RORA: variants seen among roughly 807,000 people sequenced by gnomAD.
RORA encodes nuclear receptor ROR-alpha.
Under a neutral mutation model 69.5 loss-of-function variants are expected in RORA, and 7 were observed. The ratio of observed to expected loss-of-function variants is 0.10; its 90% CI spans 0.06 to 0.19. RORA has a LOEUF of 0.19. Among genes scored for constraint, RORA ranks in the 10% least tolerant of loss-of-function variants. RORA has a pLI of 1.00. For synonymous variants in RORA, 261 were observed against 240.8 expected (o/e 1.08, Z -0.78); for missense variants, 457 against 663.0 (o/e 0.69, Z 3.41).
intron 1 of RORA, among the ~76,000 whole-genome samples, chr15:60,732,639 TTC>T (rs111468392): frequency 0.021 from 3,148 of 151,010 alleles, 120 homozygotes; most frequent in African/African-American, 0.073. Context: ...ATCATTCTCA[TTC>T]TCTCTCTCTC....
At position 60,493,761 on chromosome 15, in the gene RORA, C is replaced by T. The variant is rs1242254122; in HGVS notation, c.*3694G>A. On this transcript the variant is annotated 3_prime_UTR_variant, in exon 11 of 11. Coordinates refer to ENST00000335670, the MANE Select transcript of RORA (RefSeq NM_134261.3). ...ATTGCAGGAATATTTCAAGTGCCAT[C>T]AAATATTTATAGAAGGGTTAAAAAA... 6.6e-6 allele frequency: 1 copy of T among 151,702 alleles called. No individual in the cohort carries two copies. Among genetic ancestry groups the T allele is most frequent in the East Asian group, 1.9e-4 (1 of 5,200 alleles). 9.4% of individuals were successfully genotyped at this position (151,702 alleles called of 1,614,324 possible). A position where few individuals can be genotyped will look rare whatever the true frequency, so the allele number is the denominator to read the frequency against.
chr15:61,117,532 T>C (rs1162171041), intron 1 of RORA, among the ~76,000 whole-genome samples: 1 of 152,236 alleles, frequency 6.6e-6, no homozygotes, highest in Non-Finnish European at 1.5e-5. Flanking sequence ...TATTCGGCCT[T>C]TTCTCATTTA....
At chr15:60,572,241 G>A (rs886427403) in intron 2 of RORA, among the ~76,000 whole-genome samples, 1 of 152,300 alleles carries the variant, frequency 6.6e-6, no homozygotes, top group East Asian at 1.9e-4. Context: ...AGAAGATGTG[G>A]TCCTGCATTT....
At position 61,177,673 on chromosome 15, in the gene RORA, C is replaced by T. The variant is rs192062442; in HGVS notation, c.166+51380G>A. On this transcript the variant is annotated intron_variant, in intron 1 of 10. Transcript: ENST00000335670. ...AAAAAACAAGAAAGGAACCGGAGGCCGGTGCAGTTGCTCACGCCTATAATC... is the reference window on the plus strand; with the variant it reads ...AAAAAACAAGAAAGGAACCGGAGGCTGGTGCAGTTGCTCACGCCTATAATC... 3.7e-4 allele frequency among the ~76,000 whole-genome samples: 56 copies of T among 152,048 alleles called. No individual in the cohort carries two copies. The East Asian group carries it at 5.2e-3, about 14-fold the overall frequency.
chr15:60,967,724 A>G (rs941680917), intron 1 of RORA, among the ~76,000 whole-genome samples: 1 of 152,220 alleles, frequency 6.6e-6, no homozygotes, highest in African/African-American at 2.4e-5. Context: ...CTGGTTCATC[A>G]ACGTATTTAT....
intron 1 of RORA, among the ~76,000 whole-genome samples, chr15:60,973,541 C>T (rs1893787221): frequency 6.6e-6 from 1 of 152,242 alleles, no homozygotes; most frequent in African/African-American, 2.4e-5. Flanking sequence ...GCGTAGCCTG[C>T]AGTAGTTCTC....
chr15:61,003,585 T>C (rs965914378), intron 1 of RORA, among the ~76,000 whole-genome samples: 2 of 152,212 alleles, frequency 1.3e-5, no homozygotes, highest in Non-Finnish European at 2.9e-5. Flanking sequence ...CATAAGCTTA[T>C]TGTAGTCACA....
intron 1 of RORA, among the ~76,000 whole-genome samples, chr15:60,900,217 G>C (rs1891348750): frequency 6.9e-6 from 1 of 144,644 alleles, no homozygotes; most frequent in Non-Finnish European, 1.5e-5. Context: ...GTTTCAAAAG[G>C]AAATGATTTA....
chr15:61,090,005 C>T (rs1021330033), intron 1 of RORA, among the ~76,000 whole-genome samples: 85 of 152,218 alleles, frequency 5.6e-4, no homozygotes, highest in Non-Finnish European at 1.1e-3. Flanking sequence ...CTATCTCTAG[C>T]CCCCACTTCA....
intron 2 of RORA, among the ~76,000 whole-genome samples, chr15:60,636,148 A>C (rs931192074): frequency 3.9e-5 from 6 of 152,214 alleles, no homozygotes; most frequent in African/African-American, 1.4e-4. Context: ...AGAGCTAAAG[A>C]AGCTCACCCA....
chr15:60,576,399 G>T (rs1258260974), intron 2 of RORA, among the ~76,000 whole-genome samples: 1 of 152,190 alleles, frequency 6.6e-6, no homozygotes, highest in East Asian at 1.9e-4. Flanking sequence ...AAACCAAATG[G>T]AATGCAAGAC....
intron 1 of RORA, among the ~76,000 whole-genome samples, chr15:60,944,912 G>T (rs539441688): frequency 2.6e-5 from 4 of 152,286 alleles, no homozygotes; most frequent in South Asian, 4.1e-4. Context: ...CCTAGGCATA[G>T]CACCAGGTGG....
intron 1 of RORA, among the ~76,000 whole-genome samples, chr15:61,182,167 A>G (rs1004061730): frequency 1.3e-5 from 2 of 152,174 alleles, no homozygotes; most frequent in Non-Finnish European, 2.9e-5. Context: ...AAATCTCACC[A>G]TGGAACTACA....
At chr15:60,697,315 C>A (rs1028399155) in intron 1 of RORA, among the ~76,000 whole-genome samples, 1 of 152,182 alleles carries the variant, frequency 6.6e-6, no homozygotes, top group African/African-American at 2.4e-5. Flanking sequence ...GAGCAAAGAG[C>A]TACATGTACC....
intron 1 of RORA, among the ~76,000 whole-genome samples, chr15:60,804,979 CG>C (rs1413172690): frequency 2.0e-5 from 3 of 152,210 alleles, no homozygotes; most frequent in Admixed American, 6.5e-5. Context: ...ATTTCCTCAT[CG>C]CCCAAGTAAA....
intron 2 of RORA, among the ~76,000 whole-genome samples, chr15:60,631,305 T>C (rs543005932): frequency 1.2e-4 from 19 of 152,310 alleles, no homozygotes; most frequent in African/African-American, 3.8e-4. Context: ...TTTGCTCCCA[T>C]AAGCACTGTT....
intron 1 of RORA, among the ~76,000 whole-genome samples, chr15:60,842,056 T>A (rs1279244996): frequency 1.3e-5 from 2 of 151,756 alleles, no homozygotes; most frequent in African/African-American, 4.8e-5. Flanking sequence ...TGACCCCTTC[T>A]TCCTTCTCTG....
At chr15:60,833,703 A>G (rs2073078575) in intron 1 of RORA, among the ~76,000 whole-genome samples, 1 of 152,142 alleles carries the variant, frequency 6.6e-6, no homozygotes, top group Non-Finnish European at 1.5e-5. Flanking sequence ...TTGGCATATA[A>G]TTACTAATAT....
At chr15:60,831,268 G>T (rs747402289) in intron 1 of RORA, among the ~76,000 whole-genome samples, 153 of 152,276 alleles carry the variant, frequency 1.0e-3, no homozygotes, top group Non-Finnish European at 2.0e-3. Flanking sequence ...ATGAGGGGAG[G>T]TTACATGGAG....
Sources: gnomAD v4.1 joint callset for allele counts (sites outside exome capture counted in the v4.1 genomes callset) on GRCh38, gnomAD v4.1.1 for gene constraint, MANE v1.5 for transcripts, NCBI Gene and HGNC (gene_info 2026-07-23, HGNC 2026-07-21) for gene names.